CCDC88C: variants seen among roughly 807,000 people sequenced by gnomAD.
The protein encoded by CCDC88C is protein Daple.
In CCDC88C, 131 loss-of-function variants were observed where a neutral mutation model predicts 198.8. That is an observed-to-expected ratio of 0.66 (90% CI 0.57 to 0.76). The LOEUF (loss-of-function observed/expected upper bound fraction) is 0.76, where lower values mean the gene tolerates loss of function less well. Ranked by LOEUF, CCDC88C falls within the 30% of genes least tolerant of loss-of-function variation. CCDC88C has a pLI of 0.00. For synonymous variants in CCDC88C, 1,166 were observed against 1,114.7 expected, an observed-to-expected ratio of 1.05 and a Z score of -0.92; for missense variants, 2,553 against 2,631.6, an observed-to-expected ratio of 0.97 and a Z score of 0.65.
chr14:91,392,275 A>C (rs1251469688), intron 3 of CCDC88C, among the ~76,000 whole-genome samples: 1 of 151,998 alleles, frequency 6.6e-6, no homozygotes, highest in Non-Finnish European at 1.5e-5. Flanking sequence ...CCTTTCCTAC[A>C]TGCCACCCCC....
intron 4 of CCDC88C, among the ~76,000 whole-genome samples, chr14:91,351,592 G>C (rs1893799719): frequency 6.6e-6 from 1 of 152,182 alleles, no homozygotes; most frequent in African/African-American, 2.4e-5. Flanking sequence ...ACATTCTGGG[G>C]AGCGGCCCCT....
intron 3 of CCDC88C, among the ~76,000 whole-genome samples, chr14:91,394,918 G>T (rs2139987858): frequency 6.6e-6 from 1 of 152,304 alleles, no homozygotes; most frequent in East Asian, 1.9e-4. Flanking sequence ...CAGGGGACGG[G>T]CCTTGGGTGG....
chr14:91,292,656 C>T (rs1480592162), intron 23 of CCDC88C, among the ~76,000 whole-genome samples: 1 of 152,140 alleles, frequency 6.6e-6, no homozygotes, highest in Non-Finnish European at 1.5e-5. Flanking sequence ...CAAGCACGTC[C>T]CTTCTTGCCT....
intron 23 of CCDC88C, among the ~76,000 whole-genome samples, chr14:91,291,454 C>T (rs533370709): frequency 2.7e-4 from 41 of 152,290 alleles, no homozygotes; most frequent in Non-Finnish European, 4.6e-4. Context: ...GCAGTGGTGA[C>T]GGGGCGGGGT....
intron 3 of CCDC88C, among the ~76,000 whole-genome samples, chr14:91,402,766 G>C (rs1886280464): frequency 6.6e-6 from 1 of 152,168 alleles, no homozygotes; most frequent in African/African-American, 2.4e-5. Context: ...TATTTATTTT[G>C]AACGACAGGT....
rs541445813 is a variant in CCDC88C at position 91,314,903 on chromosome 14, A to G, written c.1665+747T>C. Among the ~76,000 whole-genome samples, 27 of 152,300 alleles carry G rather than the reference A, an allele frequency of 1.8e-4. 1 individual carries two copies. Among genetic ancestry groups the G allele is most frequent in the Non-Finnish European group, 2.8e-4 (19 of 68,020 alleles). On this transcript the variant is annotated intron_variant, in intron 14 of 29. Transcript: ENST00000389857. ...TGTAATCCCAACACTTTGGGAAGCT[A>G]AGACGGGAGGATCACTTGAGCCCAG...
rs757104244 is a variant in CCDC88C, at chr14:91,278,062, G to T, written c.4918C>A (p.Pro1640Thr). Residue 1640 changes from proline (P) to threonine (T), a missense_variant, in exon 29 of 30, where the codon CCT becomes ACT. This residue lies in a region of CCDC88C where 1,293 missense variants were observed against 1,219.6 expected (regional missense o/e 1.06). Coordinates refer to ENST00000389857, the MANE Select transcript of CCDC88C (RefSeq NM_001080414.4). ...TTCTGGGCACCCTCCTGTGGGAGAG[G>T]CCCGTTCCGAGGCAAGGGGTACTCG... ...RHEYPLPRNG[P>T]LPQEGAQKRG... The T allele has an allele frequency of 1.9e-6, 3 of 1,611,232 alleles. No homozygotes were observed. The highest frequency in any genetic ancestry group is 4.5e-5 in the East Asian group (2 of 44,758).
intron 2 of CCDC88C, 102 bp downstream of exon 2, chr14:91,416,636 C>A: frequency 1.2e-6 from 1 of 843,198 alleles, no homozygotes; most frequent in Non-Finnish European, 2.0e-6. Flanking sequence ...AGAACTACCC[C>A]CCACCCCACA....
chr14:91,390,071 CA>C (rs35873611), intron 3 of CCDC88C, among the ~76,000 whole-genome samples: 6 of 117,786 alleles, frequency 5.1e-5, no homozygotes, highest in Admixed American at 9.0e-5. Context: ...GACTCTGTTT[CA>C]AAAAAAAAGA....
At chr14:91,375,508 G>A (rs78057546) in intron 3 of CCDC88C, among the ~76,000 whole-genome samples, 8,265 of 152,190 alleles carry the variant, frequency 0.054, 367 homozygotes, top group Admixed American at 0.12. Flanking sequence ...GTGGGCAGCG[G>A]AATCAAAGAG....
chr14:91,338,218 C>G lies in CCDC88C; in HGVS notation c.892-55G>C, dbSNP rs1210021625. ...AGCTTAGGGCATCCTCTAGGAAGGG[C>G]AGAAAGGCCATTGCCCTTCTGCATG... is the stretch of plus-strand genomic sequence containing the variant. On this transcript the variant is annotated intron_variant, in intron 9 of 29. Coordinates refer to ENST00000389857, the MANE Select transcript of CCDC88C (RefSeq NM_001080414.4). This position sits in a 1 kb window ranked among gnomAD's most constrained non-coding sequence, Gnocchi z 4.8. The G allele has an allele frequency of 5.8e-5, 92 of 1,592,112 alleles. No homozygotes were observed. The highest frequency in any genetic ancestry group is 7.5e-5 in the Non-Finnish European group (88 of 1,166,082).
At chr14:91,291,981 G>A (rs1890681405) in intron 23 of CCDC88C, among the ~76,000 whole-genome samples, 1 of 152,180 alleles carries the variant, frequency 6.6e-6, no homozygotes. Flanking sequence ...GAGGACTGCT[G>A]CCCACTCATG....
Position 91,338,268 on chromosome 14 carries a change from A to G in CCDC88C, c.892-105T>C. The stretch of plus-strand genomic sequence containing the variant: ...GGTGTCTCCACGACGGCCCAGGACA[A>G]GCCAGCTCCTGGTGGCCGGGGGCCT... On this transcript the variant is annotated intron_variant, in intron 9 of 29. Transcript: ENST00000389857. The surrounding 1 kb of genome is among the most constrained non-coding windows in gnomAD (Gnocchi z 4.8). 7.1e-7 allele frequency: 1 copy of G among 1,405,034 alleles called. No homozygotes were observed. Among genetic ancestry groups the G allele is most frequent in the Non-Finnish European group, 9.7e-7 (1 of 1,028,084 alleles). 87.0% of individuals were successfully genotyped at this position (1,405,034 alleles called of 1,614,324 possible).
intron 10 of CCDC88C, among the ~76,000 whole-genome samples, chr14:91,332,228 G>C (rs1005758859): frequency 2.0e-5 from 3 of 152,160 alleles, no homozygotes; most frequent in Admixed American, 2.0e-4. Context: ...GAACCTTCCA[G>C]TTCTCTGCCT....
At chr14:91,293,567 G>GGCCCACCTTCCCATCCTCACCTGCCACA (rs1890853071) in intron 23 of CCDC88C, among the ~76,000 whole-genome samples, 1 of 16,124 alleles carries the variant, frequency 6.2e-5, no homozygotes, top group Non-Finnish European at 1.2e-4. Flanking sequence ...CGCCTGCCAC[G>GGCCCACCTTCCCATCCTCACCTGCCACA]GCCCACCTTC....
chr14:91,316,126 TG>T (rs1892084500), intron 13 of CCDC88C, among the ~76,000 whole-genome samples: 2 of 152,140 alleles, frequency 1.3e-5, no homozygotes, highest in Admixed American at 6.5e-5. Context: ...CCTCAGTTGG[TG>T]ATGTCACCTG....
chr14:91,332,867 G>T (rs1421455566), intron 10 of CCDC88C, among the ~76,000 whole-genome samples: 2 of 152,164 alleles, frequency 1.3e-5, no homozygotes, highest in Non-Finnish European at 2.9e-5. Flanking sequence ...AAGCAGTCAA[G>T]TAAGACAGTC....
In CCDC88C at chr14:91,323,571, G is replaced by A. The variant is rs117028508; in HGVS notation, c.1342+1208C>T. Among the ~76,000 whole-genome samples, 457 of 152,328 alleles carry A rather than the reference G, an allele frequency of 3.0e-3. 5 individuals are homozygous for A. The highest frequency in any genetic ancestry group is 4.7e-3 in the Non-Finnish European group (319 of 68,016). ...CCATCATTCTAGCAAACACTAGAAT[G>A]ATGCCAGCTCCTAGCTAGGCACTAG... On this transcript the variant is annotated intron_variant, in intron 12 of 29. Transcript: ENST00000389857.
intron 3 of CCDC88C, among the ~76,000 whole-genome samples, chr14:91,369,215 A>G (rs1055772324): frequency 2.6e-5 from 4 of 152,182 alleles, no homozygotes; most frequent in Admixed American, 6.5e-5. Context: ...CTCACGACAC[A>G]GCCTGTGGCC....
Sources: allele counts gnomAD v4.1 joint callset (sites outside exome capture counted in the v4.1 genomes callset), GRCh38; gene constraint gnomAD v4.1.1; regional missense constraint gnomAD v4.1.1; non-coding constraint Gnocchi (gnomAD v3.1); transcripts MANE v1.5; gene names NCBI Gene and HGNC (gene_info 2026-07-23, HGNC 2026-07-21).